The following ARHGEF3 variants were observed in gnomAD, a reference collection of about 807,000 sequenced individuals.
ARHGEF3 encodes Rho guanine nucleotide exchange factor 3, also known as 59.8 kDA protein.
A neutral mutation model predicts 63.2 loss-of-function variants in ARHGEF3; 28 were observed. The observed-to-expected ratio is 0.44, with a 90% confidence interval of 0.33 to 0.61. The LOEUF is 0.61. ARHGEF3 is among the 20% of genes least tolerant of loss of function. The pLI is 0.03. For missense variants in ARHGEF3, 533 were observed against 659.3 expected (o/e 0.81, Z 2.10); for synonymous variants, 266 against 254.2 (o/e 1.05, Z -0.44).
intron 4 of ARHGEF3, among the ~76,000 whole-genome samples, chr3:56,830,501 G>C (rs569899132): frequency 6.6e-6 from 1 of 152,284 alleles, no homozygotes; most frequent in South Asian, 2.1e-4. Context: ...GCTGCAACCA[G>C]TGCCTACAGA....
At chr3:56,948,851 C>A (rs1352650290) in intron 3 of ARHGEF3, among the ~76,000 whole-genome samples, 13 of 151,960 alleles carry the variant, frequency 8.6e-5, no homozygotes, top group Non-Finnish European at 1.5e-5. Context: ...ACCAATATCC[C>A]TGATGAACAT....
chr3:56,867,263 T>C (rs1057366957), intron 4 of ARHGEF3, among the ~76,000 whole-genome samples: 2 of 152,190 alleles, frequency 1.3e-5, no homozygotes, highest in African/African-American at 4.8e-5. Flanking sequence ...CAAATGTTTA[T>C]CGGACACACA....
intron 1 of ARHGEF3, among the ~76,000 whole-genome samples, chr3:57,071,659 C>CAAA (rs34281617): frequency 3.2e-5 from 4 of 124,920 alleles, no homozygotes; most frequent in Non-Finnish European, 3.5e-5. Flanking sequence ...AACTCCATCT[C>CAAA]AAAAAAAAAA....
At chr3:56,888,452 T>C (rs1041077570) in intron 3 of ARHGEF3, among the ~76,000 whole-genome samples, 2 of 152,096 alleles carry the variant, frequency 1.3e-5, no homozygotes, top group Non-Finnish European at 2.9e-5. Context: ...CGTGCCTATA[T>C]GGGGGTGGGG....
intron 3 of ARHGEF3, among the ~76,000 whole-genome samples, chr3:56,935,219 G>A (rs1254562620): frequency 6.6e-6 from 1 of 152,096 alleles, no homozygotes; most frequent in South Asian, 2.1e-4. Flanking sequence ...TACTCTGGTG[G>A]GGCCTTGGAG....
In ARHGEF3 at chr3:57,020,530, G is replaced by A. The variant is rs77994354; in HGVS notation, c.62+14558C>T. On this transcript the variant is annotated intron_variant, in intron 2 of 12. Transcript: ENST00000338458. ...GTTCCAGAGTTCCAGGAGAGAGCAC[G>A]AAGCCCACGTTGTGAACAAATCTGA... Among the ~76,000 whole-genome samples the A allele has an allele frequency of 3.9e-3, 593 of 152,300 alleles. 4 individuals carry two copies. Among genetic ancestry groups the A allele is most frequent in the African/African-American group, 0.014 (567 of 41,570 alleles).
chr3:56,931,137 C>T (rs1305234933), intron 3 of ARHGEF3, among the ~76,000 whole-genome samples: 1 of 152,160 alleles, frequency 6.6e-6, no homozygotes. Flanking sequence ...CAAGGCTTTT[C>T]CCTCCTTGAG....
At position 56,770,847 on chromosome 3, in the gene ARHGEF3, C is replaced by G. The variant is rs567583018; in HGVS notation, c.204+2862G>C. ...TTATCACAATATTTGAAAAAATTAA[C>G]TTAAAAACTTATTTTGCACTTTGGG... On this transcript the variant is annotated intron_variant, in intron 2 of 9. Coordinates refer to ENST00000296315, the MANE Select transcript of ARHGEF3 (RefSeq NM_019555.3). 2.6e-5 allele frequency among the ~76,000 whole-genome samples: 4 copies of G among 152,206 alleles called. No homozygotes were observed. In the South Asian group the frequency reaches 8.3e-4, roughly 32 times the overall value.
intron 2 of ARHGEF3, among the ~76,000 whole-genome samples, chr3:56,764,676 C>G (rs2171858): frequency 0.21 from 32,049 of 151,790 alleles, 4,350 homozygotes; most frequent in African/African-American, 0.39. Context: ...TGTGCAGAAC[C>G]TGGTTCATCA....
At chr3:56,748,209 T>A (rs1348266111) in intron 6 of ARHGEF3, among the ~76,000 whole-genome samples, 1 of 152,178 alleles carries the variant, frequency 6.6e-6, no homozygotes, top group Non-Finnish European at 1.5e-5. Flanking sequence ...AATATTTTTT[T>A]TGTAGAGACA....
At chr3:56,854,289 G>C (rs955680269) in intron 4 of ARHGEF3, among the ~76,000 whole-genome samples, 8 of 152,148 alleles carry the variant, frequency 5.3e-5, no homozygotes, top group African/African-American at 1.9e-4. Flanking sequence ...GGGTAGAAAG[G>C]ACTATGTCAA....
chr3:56,895,471 T>C (rs569492371), intron 3 of ARHGEF3, among the ~76,000 whole-genome samples: 1 of 138,092 alleles, frequency 7.2e-6, no homozygotes, highest in South Asian at 2.2e-4. Context: ...TTTATTTATT[T>C]ATTTTTTTTT....
At chr3:57,060,439 G>A (rs1298031465) in intron 1 of ARHGEF3, 1 of 152,198 alleles carries the variant, frequency 6.6e-6, no homozygotes, top group African/African-American at 2.4e-5. Context: ...CCAAGAACCT[G>A]CCCAGGAAGT....
chr3:57,066,978 T>C (rs1296256733), intron 1 of ARHGEF3, among the ~76,000 whole-genome samples: 6 of 152,170 alleles, frequency 3.9e-5, no homozygotes, highest in Non-Finnish European at 5.9e-5. Context: ...AGATGAGCGA[T>C]TGATTGACAC....
At chr3:56,916,307 A>G in intron 3 of ARHGEF3, 1 of 1,535,296 alleles carries the variant, frequency 6.5e-7, no homozygotes, top group Non-Finnish European at 8.7e-7. Flanking sequence ...CAGGGGGCTT[A>G]CCTGCGAACG....
intron 2 of ARHGEF3, among the ~76,000 whole-genome samples, chr3:56,992,509 T>TGCTCCA (rs1701804811): frequency 6.6e-6 from 1 of 150,746 alleles, no homozygotes; most frequent in Non-Finnish European, 1.5e-5. Context: ...CCCTTCTGTC[T>TGCTCCA]GCTCCAGACA....
intron 1 of ARHGEF3, among the ~76,000 whole-genome samples, chr3:57,036,516 C>T (rs1220894071): frequency 2.0e-5 from 3 of 152,300 alleles, no homozygotes; most frequent in South Asian, 2.1e-4. Context: ...TGAGCCATAA[C>T]TCTGGGATCC....
chr3:56,752,467 G>C (rs2034829394), intron 4 of ARHGEF3, among the ~76,000 whole-genome samples: 1 of 152,220 alleles, frequency 6.6e-6, no homozygotes, highest in African/African-American at 2.4e-5. Flanking sequence ...GAGTGGCCAA[G>C]GGAAGTTTTG....
intron 4 of ARHGEF3, among the ~76,000 whole-genome samples, chr3:56,813,208 C>A (rs2038137258): frequency 6.6e-6 from 1 of 152,138 alleles, no homozygotes; most frequent in South Asian, 2.1e-4. Context: ...TTTAGTGCAT[C>A]CAAAACACAC....
Sources: allele counts gnomAD v4.1 joint callset (sites outside exome capture counted in the v4.1 genomes callset), GRCh38; gene constraint gnomAD v4.1.1; transcripts MANE v1.5; gene names NCBI Gene and HGNC (gene_info 2026-07-23, HGNC 2026-07-21).